The following BANP variants were observed in gnomAD, a reference collection of about 807,000 sequenced individuals.
The protein encoded by BANP is protein BANP.
In BANP, 11 loss-of-function variants were observed where a neutral mutation model predicts 68.1. That is an observed-to-expected ratio of 0.16 (90% confidence interval 0.10 to 0.27). The LOEUF is 0.27. Ranked by LOEUF, BANP falls within the 10% of genes least tolerant of loss-of-function variation. The probability of loss-of-function intolerance (pLI) is 1.00; values close to 1 mark genes in which losing one functional copy is unlikely to be tolerated. For synonymous variants in BANP, 329 were observed against 303.2 expected (o/e 1.09, Z -0.88); for missense variants, 504 against 722.7 (o/e 0.70, Z 3.47).
At chr16:87,990,109 C>G (rs1473413445) in intron 4 of BANP, among the ~76,000 whole-genome samples, 2 of 152,312 alleles carry the variant, frequency 1.3e-5, no homozygotes, top group East Asian at 3.9e-4. Flanking sequence ...AACATACTGA[C>G]TCGAAAAATT....
chr16:87,968,309 A>AC (rs2060468950), intron 1 of BANP, among the ~76,000 whole-genome samples: 1 of 151,390 alleles, frequency 6.6e-6, no homozygotes, highest in Non-Finnish European at 1.5e-5. Context: ...ACATGGTGAA[A>AC]CCCCATCTCT....
upstream of BANP, chr16:87,949,490 C>G (rs977271872): frequency 6.6e-6 from 1 of 152,228 alleles, no homozygotes; most frequent in African/African-American, 2.4e-5. Context: ...TGAGTGGACT[C>G]CACACTCTAA....
Position 88,076,467 on chromosome 16 carries a change from T to G in BANP, c.1522-123T>G. 6.4e-6 allele frequency: 5 copies of G among 780,330 alleles called. No individual in the cohort carries two copies. The South Asian group carries it at 9.2e-5, about 14-fold the overall frequency. 48.3% of individuals were successfully genotyped at this position (780,330 alleles called of 1,614,324 possible). ...GGGTGAGCCTTGGGGCCGTCAGGGC[T>G]CCTTCGCGCTCCTGTGTGCGTGTTT... On this transcript the variant is annotated intron_variant, in intron 13 of 13. Transcript: ENST00000682872.
chr16:88,041,042 T>C (rs1424220792), intron 11 of BANP, among the ~76,000 whole-genome samples: 1 of 152,214 alleles, frequency 6.6e-6, no homozygotes, highest in Non-Finnish European at 1.5e-5. Context: ...GTCATGGGGC[T>C]GGGGCCTGTG....
At chr16:87,961,174 T>A (rs1358842449) in intron 1 of BANP, among the ~76,000 whole-genome samples, 1 of 152,216 alleles carries the variant, frequency 6.6e-6, no homozygotes, top group Non-Finnish European at 1.5e-5. Flanking sequence ...ACAGTTCACA[T>A]TCCATATTGC....
At chr16:88,058,368 T>C (rs2085716196) in intron 11 of BANP, among the ~76,000 whole-genome samples, 1 of 152,172 alleles carries the variant, frequency 6.6e-6, no homozygotes, top group South Asian at 2.1e-4. Flanking sequence ...GGCGCCTTCG[T>C]CGACTGAGCT....
Position 88,072,100 on chromosome 16 carries a change from C to A in BANP, c.1409C>A (p.Ala470Asp). The change falls in exon 13 of 14, where the codon GCC (alanine) becomes GAC (aspartate). Residue 470 changes from alanine (A) to aspartate (D), a missense_variant. Transcript: ENST00000682872. ...CAGGGTGCACAGCTGATCGCCGTGG[C>A]CTCCTCGGACCCCGCGGCGGCGGGC... ...VLQGAQLIAV[A>D]SSDPAAAGVD... 6.3e-7 allele frequency: 1 copy of A among 1,599,766 alleles called. No homozygotes were observed. Among genetic ancestry groups the A allele is most frequent in the Non-Finnish European group, 8.5e-7 (1 of 1,174,758 alleles).
intron 12 of BANP, among the ~76,000 whole-genome samples, chr16:88,067,141 C>T (rs1033169852): frequency 7.2e-5 from 11 of 152,344 alleles, no homozygotes; most frequent in East Asian, 3.9e-4. Context: ...AAGGTGAAGC[C>T]GCTGACCTTT....
intron 4 of BANP, among the ~76,000 whole-genome samples, chr16:87,988,996 C>T (rs750158237): frequency 6.6e-6 from 1 of 152,220 alleles, no homozygotes; most frequent in Non-Finnish European, 1.5e-5. Flanking sequence ...TCCTTTCACT[C>T]TCTGGAACAC....
upstream of BANP, chr16:87,949,308 T>A (rs1230579595): frequency 1.3e-5 from 2 of 152,232 alleles, no homozygotes; most frequent in Non-Finnish European, 2.9e-5. Flanking sequence ...TCAAGCCAGA[T>A]ATTCCGGCGT....
chr16:88,021,229 C>T (rs2075972152), intron 7 of BANP, among the ~76,000 whole-genome samples: 1 of 152,216 alleles, frequency 6.6e-6, no homozygotes, highest in Non-Finnish European at 1.5e-5. Context: ...TGGCTTGGGG[C>T]CCACTGGCCC....
intron 11 of BANP, among the ~76,000 whole-genome samples, chr16:88,050,462 A>G (rs759561389): frequency 6.6e-6 from 1 of 151,832 alleles, no homozygotes; most frequent in Non-Finnish European, 1.5e-5. Flanking sequence ...AGCCGACAAG[A>G]TGGTTTTAAA....
At chr16:87,952,505 T>G (rs534662235) in intron 1 of BANP, 1 of 152,206 alleles carries the variant, frequency 6.6e-6, no homozygotes, top group Non-Finnish European at 1.5e-5. Flanking sequence ...AGTAAATAAT[T>G]GATAAGAGGA....
At chr16:87,995,927 C>G (rs978673893) in intron 4 of BANP, among the ~76,000 whole-genome samples, 11 of 152,270 alleles carry the variant, frequency 7.2e-5, no homozygotes, top group African/African-American at 2.4e-4. Context: ...GCGCTTCTCA[C>G]TTGCTGAGCG....
rs1301075241 is a variant in BANP, at chr16:88,004,216, G to A, written c.363-79G>A. The stretch of plus-strand genomic sequence containing the variant: ...CGGGTCCCTGGGAGTGGACTGTGTT[G>A]AATGACTCTTATGTGCTCTTACCAT... On this transcript the variant is annotated intron_variant, in intron 4 of 13. Transcript: ENST00000682872. This position sits in a 1 kb window ranked among gnomAD's most constrained non-coding sequence, Gnocchi z 7.0. The A allele has an allele frequency of 4.5e-6, 4 of 893,272 alleles. No individual in the cohort carries two copies. The highest frequency in any genetic ancestry group is 7.2e-6 in the Non-Finnish European group (4 of 556,002). The allele number at this position is 893,272 out of a possible 1,614,324, so 55.3% of individuals were successfully genotyped here.
intron 6 of BANP, among the ~76,000 whole-genome samples, chr16:88,012,378 A>G (rs970855461): frequency 6.6e-6 from 1 of 152,220 alleles, no homozygotes; most frequent in Non-Finnish European, 1.5e-5. Flanking sequence ...CGTGGATGGC[A>G]TATCTAATGT....
chr16:88,057,586 C>CA lies in BANP; in HGVS notation c.1312-7680dup, dbSNP rs148352663. ...GCTTTTCCCTCATGCAAAATGCAGG[C>CA]ACTCTGACTGGCCCACGTTGTGTAA... On this transcript the variant is annotated intron_variant, in intron 11 of 13. Coordinates refer to ENST00000682872, the MANE Select transcript of BANP (RefSeq NM_001386991.1). The surrounding 1 kb of genome is among the most constrained non-coding windows in gnomAD (Gnocchi z 4.6). Among the ~76,000 whole-genome samples the CA allele has an allele frequency of 2.5e-3, 376 of 152,260 alleles. 4 individuals carry two copies. The highest frequency in any genetic ancestry group is 0.023 in the East Asian group (120 of 5,172).
At chr16:87,978,513 A>G (rs2062624141) in intron 2 of BANP, 3 of 426,052 alleles carry the variant, frequency 7.0e-6, no homozygotes, top group Admixed American at 2.6e-5. Context: ...GACTAACCAC[A>G]GGCACTTGTA....
At chr16:88,029,667 A>G (rs1390715864) in intron 8 of BANP, among the ~76,000 whole-genome samples, 1 of 151,994 alleles carries the variant, frequency 6.6e-6, no homozygotes, top group Non-Finnish European at 1.5e-5. Flanking sequence ...ACTAGCAGGA[A>G]CCAGATTGAA....
Sources: allele counts gnomAD v4.1 joint callset (sites outside exome capture counted in the v4.1 genomes callset), GRCh38; gene constraint gnomAD v4.1.1; non-coding constraint Gnocchi (gnomAD v3.1); transcripts MANE v1.5; gene names NCBI Gene and HGNC (gene_info 2026-07-23, HGNC 2026-07-21).